DLG2: variants seen among roughly 807,000 people sequenced by gnomAD.
DLG2 encodes discs large MAGUK scaffold protein 2.
DLG2 carries 45 observed loss-of-function variants against 132.5 expected under a neutral mutation model. That is an observed-to-expected ratio of 0.34 (90% confidence interval 0.27 to 0.44). The LOEUF is 0.44. Among genes scored for constraint, DLG2 ranks in the 20% least tolerant of loss-of-function variants. The pLI is 1.00. For synonymous variants in DLG2, 424 were observed against 419.6 expected, an observed-to-expected ratio of 1.01 and a Z score of -0.13; for missense variants, 1,045 against 1,196.9, an observed-to-expected ratio of 0.87 and a Z score of 1.87.
At chr11:85,060,633 T>C (rs963313417) in intron 6 of DLG2, among the ~76,000 whole-genome samples, 2 of 151,754 alleles carry the variant, frequency 1.3e-5, no homozygotes, top group Non-Finnish European at 3.0e-5. Flanking sequence ...AATGCTGCAT[T>C]GAATGCAGAA....
At chr11:84,374,572 G>T (rs1432979305) in intron 7 of DLG2, among the ~76,000 whole-genome samples, 2 of 151,964 alleles carry the variant, frequency 1.3e-5, no homozygotes, top group African/African-American at 4.8e-5. Flanking sequence ...TGTGGCCCAG[G>T]GAGACCAAAA....
intron 6 of DLG2, among the ~76,000 whole-genome samples, chr11:84,874,073 A>C (rs1456010186): frequency 6.6e-6 from 1 of 152,246 alleles, no homozygotes; most frequent in Non-Finnish European, 1.5e-5. Context: ...CATTTTTCTT[A>C]GGAACAAGGA....
At chr11:85,055,873 T>G (rs1452732076) in intron 6 of DLG2, among the ~76,000 whole-genome samples, 3 of 152,114 alleles carry the variant, frequency 2.0e-5, no homozygotes, top group Non-Finnish European at 4.4e-5. Context: ...AGGTTGGGGA[T>G]AGATATAGGG....
chr11:84,676,978 A>G (rs145230455), intron 6 of DLG2, among the ~76,000 whole-genome samples: 12 of 152,150 alleles, frequency 7.9e-5, no homozygotes, highest in African/African-American at 2.9e-4. Flanking sequence ...GTGACTGGAG[A>G]TAACAATGGA....
chr11:85,110,322 G>A (rs878888684), intron 6 of DLG2, among the ~76,000 whole-genome samples: 1 of 151,950 alleles, frequency 6.6e-6, no homozygotes, highest in Non-Finnish European at 1.5e-5. Context: ...GGAGGCTGAG[G>A]CACAAGAATC....
chr11:84,972,213 T>C (rs927627578), intron 6 of DLG2, among the ~76,000 whole-genome samples: 4 of 152,196 alleles, frequency 2.6e-5, no homozygotes, highest in African/African-American at 9.6e-5. Context: ...AGAGCCTCAC[T>C]AAAGACCACA....
At chr11:83,548,785 G>A (rs2096302818) in intron 19 of DLG2, among the ~76,000 whole-genome samples, 1 of 152,184 alleles carries the variant, frequency 6.6e-6, no homozygotes, top group Non-Finnish European at 1.5e-5. Flanking sequence ...AGATAAAGAA[G>A]CTGAGATACA....
At chr11:83,805,298 ATTCT>A (rs547602999) in intron 17 of DLG2, among the ~76,000 whole-genome samples, 32 of 151,978 alleles carry the variant, frequency 2.1e-4, no homozygotes, top group Non-Finnish European at 2.8e-4. Flanking sequence ...TATTTTATAA[ATTCT>A]TTATTTATTC....
chr11:83,887,320 C>A (rs575782459), intron 15 of DLG2, among the ~76,000 whole-genome samples: 2 of 152,024 alleles, frequency 1.3e-5, no homozygotes, highest in Non-Finnish European at 2.9e-5. Context: ...ACTACAAACA[C>A]CTCTACGCAA....
At chr11:85,490,145 G>C (rs2093523866) in intron 3 of DLG2, among the ~76,000 whole-genome samples, 1 of 152,030 alleles carries the variant, frequency 6.6e-6, no homozygotes, top group South Asian at 2.1e-4. Context: ...CTATAATCAT[G>C]CCACTGCACT....
intron 5 of DLG2, among the ~76,000 whole-genome samples, chr11:85,153,833 A>C (rs1370517306): frequency 6.6e-6 from 1 of 152,204 alleles, no homozygotes; most frequent in Non-Finnish European, 1.5e-5. Context: ...ATTGAGGATC[A>C]CATTAAAATT....
intron 6 of DLG2, among the ~76,000 whole-genome samples, chr11:84,912,473 A>T (rs1286542665): frequency 6.6e-6 from 1 of 152,216 alleles, no homozygotes; most frequent in African/African-American, 2.4e-5. Flanking sequence ...AAATATTTTA[A>T]CATCTTCTGA....
chr11:84,715,519 C>A (rs1011358935), intron 6 of DLG2, among the ~76,000 whole-genome samples: 1 of 152,054 alleles, frequency 6.6e-6, no homozygotes, highest in Non-Finnish European at 1.5e-5. Flanking sequence ...TTTCCTGCAA[C>A]CCACATCTTC....
chr11:84,002,030 A>T (rs2094373959), intron 11 of DLG2, among the ~76,000 whole-genome samples: 1 of 152,292 alleles, frequency 6.6e-6, no homozygotes, highest in Admixed American at 6.5e-5. Flanking sequence ...GAACAAACCC[A>T]TCCCCAAATT....
chr11:85,403,876 T>G (rs2088452459), intron 3 of DLG2, among the ~76,000 whole-genome samples: 1 of 151,976 alleles, frequency 6.6e-6, no homozygotes, highest in African/African-American at 2.4e-5. Flanking sequence ...AAGACATTGA[T>G]AGTGAAGACA....
intron 6 of DLG2, among the ~76,000 whole-genome samples, chr11:84,770,199 C>T (rs1319502471): frequency 3.9e-5 from 6 of 152,138 alleles, no homozygotes; most frequent in South Asian, 4.1e-4. Context: ...TCCCACTTCA[C>T]CTTCTCCCAT....
intron 3 of DLG2, among the ~76,000 whole-genome samples, chr11:85,547,810 C>T (rs1462546951): frequency 6.6e-6 from 1 of 152,052 alleles, no homozygotes; most frequent in African/African-American, 2.4e-5. Context: ...TCATGAAGCT[C>T]TCCTGCTGTG....
intron 14 of DLG2, among the ~76,000 whole-genome samples, chr11:83,938,350 GAGGGTGAA>G (rs147669243): frequency 0.076 from 11,571 of 152,132 alleles, 588 homozygotes; most frequent in Non-Finnish European, 0.12. Context: ...AGGTTTGAAA[GAGGGTGAA>G]AGGGTGAAAG....
chr11:83,693,231 G>C (rs2081294031), intron 18 of DLG2, among the ~76,000 whole-genome samples: 1 of 152,112 alleles, frequency 6.6e-6, no homozygotes, highest in Non-Finnish European at 1.5e-5. Flanking sequence ...CTGTAGATTG[G>C]CTGACCATGC....
Sources: allele counts gnomAD v4.1 joint callset (sites outside exome capture counted in the v4.1 genomes callset), GRCh38; gene constraint gnomAD v4.1.1; transcripts MANE v1.5; gene names NCBI Gene and HGNC (gene_info 2026-07-23, HGNC 2026-07-21).